Variants in BRPF3 observed in about 807,000 individuals in gnomAD.
BRPF3 encodes the protein bromodomain and PHD finger containing 3, also known as bromodomain and PHD finger-containing protein 3.
BRPF3 carries 18 observed loss-of-function variants against 102.0 expected under a neutral mutation model. The ratio of observed to expected loss-of-function variants is 0.18; its 90% CI spans 0.12 to 0.26. BRPF3 has a LOEUF of 0.26. Among genes scored for constraint, BRPF3 ranks in the 10% least tolerant of loss-of-function variants. The pLI, the probability that BRPF3 is intolerant of heterozygous loss-of-function variation, is 1.00. For missense variants in BRPF3, 1,147 were observed against 1,567.8 expected (o/e 0.73, Z 4.53); for synonymous variants, 570 against 614.2 (o/e 0.93, Z 1.06).
Position 36,230,319 on chromosome 6 carries a change from T to A in BRPF3, c.3435-107T>A, listed in dbSNP as rs1561837106. 3.4e-6 allele frequency: 4 copies of A among 1,168,402 alleles called. No homozygotes were observed. Among genetic ancestry groups the A allele is most frequent in the Non-Finnish European group, 5.0e-6 (4 of 805,630 alleles). The allele number at this position is 1,168,402 out of a possible 1,614,324, so 72.4% of individuals were successfully genotyped here. On this transcript the variant is annotated intron_variant, in intron 12 of 12. Coordinates refer to ENST00000357641, the MANE Select transcript of BRPF3 (RefSeq NM_015695.3). The surrounding 1 kb of genome is among the most constrained non-coding windows in gnomAD (Gnocchi z 5.4). ...TCCCCCAATTTGCTTCCCTCTGCCC[T>A]GTACCCTCTCCCTGGCTTTGCTGGT...
intron 4 of BRPF3, 123 bp from the exon 5 acceptor site, chr6:36,209,664 T>G: frequency 1.6e-6 from 2 of 1,241,782 alleles, no homozygotes; most frequent in Non-Finnish European, 2.2e-6. Context: ...CATATACTGG[T>G]CAGCTTAATA....
At chr6:36,229,099 G>C in intron 12 of BRPF3, 43 bp downstream of exon 12, 1 of 1,599,124 alleles carries the variant, frequency 6.3e-7, no homozygotes, top group Non-Finnish European at 8.5e-7. Context: ...GCACGCCAGG[G>C]GTCTGTGCCA....
At position 36,226,324 on chromosome 6, in the gene BRPF3, T is replaced by C. The variant is rs139013754; in HGVS notation, c.3279+960T>C. Among the ~76,000 whole-genome samples, 530 of 152,352 alleles carry C rather than the reference T, an allele frequency of 3.5e-3. 3 individuals carry two copies. Among genetic ancestry groups the C allele is most frequent in the African/African-American group, 0.012 (496 of 41,576 alleles). The stretch of plus-strand genomic sequence containing the variant: ...AAACTTTTCATTTCTGTCATAGTAG[T>C]AGCAGTTAAAAATTCAATTTTTACC... On this transcript the variant is annotated intron_variant, in intron 11 of 12. Transcript: ENST00000357641.
In BRPF3 at chr6:36,209,791, A is replaced by T; in HGVS notation, c.1742A>T (p.Lys581Ile). ...CTCACCCCACCTTCCCCACAGGTCAAAGTCCAGCAGGCTGCCATGGAGCTG... is the reference window on the plus strand; with the variant it reads ...CTCACCCCACCTTCCCCACAGGTCATAGTCCAGCAGGCTGCCATGGAGCTG... ...KREKLKREQV[K>I]VQQAAMELEL... is the part of the protein sequence containing the mutation. Residue 581 changes from lysine to isoleucine, a missense_variant, in exon 5 of 13, where the codon AAA becomes ATA. By Grantham distance (102) the Lys-to-Ile change is moderately radical. This residue lies in a region of BRPF3 where 23 missense variants were observed against 54.4 expected (regional missense o/e 0.42). Coordinates refer to ENST00000357641, the MANE Select transcript of BRPF3 (RefSeq NM_015695.3). The T allele has an allele frequency of 6.2e-7, 1 of 1,614,078 alleles. No individual in the cohort carries two copies. The highest frequency in any genetic ancestry group is 1.1e-5 in the South Asian group (1 of 91,072).
Position 36,200,765 on chromosome 6 carries a change from T to C in BRPF3, c.443T>C (p.Leu148Pro), listed in dbSNP as rs1345273218. 1 of 1,614,120 alleles carries C rather than the reference T, an allele frequency of 6.2e-7. No homozygotes were observed. Among genetic ancestry groups the C allele is most frequent in the South Asian group, 1.1e-5 (1 of 91,090 alleles). The change falls in exon 2 of 13, where the codon CTG (leucine) becomes CCG (proline). Residue 148 changes from leucine (L) to proline (P), a missense_variant. Transcript: ENST00000357641. This position sits in a 1 kb window ranked among gnomAD's most constrained non-coding sequence, Gnocchi z 5.3. ...YRYIEKPPED[L>P]DAEVEYDMDE... The stretch of plus-strand genomic sequence containing the variant: ...TACATTGAGAAGCCACCTGAAGACC[T>C]GGATGCAGAGGTAGAGTATGACATG...
At chr6:36,204,127 C>T (rs1767818886) in intron 2 of BRPF3, among the ~76,000 whole-genome samples, 1 of 152,100 alleles carries the variant, frequency 6.6e-6, no homozygotes, top group South Asian at 2.1e-4. Context: ...AATTAAACAA[C>T]ATTTTTAGGC....
At chr6:36,211,176 C>T (rs1768091948) in intron 6 of BRPF3, 82 bp from the exon 7 acceptor site, 1 of 1,429,106 alleles carries the variant, frequency 7.0e-7, no homozygotes, top group East Asian at 2.3e-5. Flanking sequence ...GAGAGTTTTG[C>T]ATCCGAAGGA....
chr6:36,212,495 C>T (rs1353204186), intron 7 of BRPF3, among the ~76,000 whole-genome samples: 1 of 149,832 alleles, frequency 6.7e-6, no homozygotes, highest in Non-Finnish European at 1.5e-5. Flanking sequence ...GTATGACAGT[C>T]AGCATGCCAT....
intron 8 of BRPF3, among the ~76,000 whole-genome samples, chr6:36,217,716 T>C (rs1768379892): frequency 6.6e-6 from 1 of 152,332 alleles, no homozygotes; most frequent in South Asian, 2.1e-4. Flanking sequence ...GTCTGCTCCT[T>C]GCCCTAGCCA....
At chr6:36,218,056 CCTTT>C in intron 9 of BRPF3, 46 bp downstream of exon 9, 1 of 1,508,880 alleles carries the variant, frequency 6.6e-7, no homozygotes, top group East Asian at 2.3e-5. Context: ...TGCTACCCCT[CCTTT>C]TACTCTCCAT....
At chr6:36,207,233 T>A (rs1767936839) in intron 3 of BRPF3, 80 bp from the exon 4 acceptor site, 3 of 1,550,112 alleles carry the variant, frequency 1.9e-6, no homozygotes, top group Non-Finnish European at 2.6e-6. Context: ...TTTTACCTGC[T>A]GCAGCCCCGT....
intron 3 of BRPF3, among the ~76,000 whole-genome samples, chr6:36,206,542 C>G (rs1056511072): frequency 6.6e-5 from 10 of 152,348 alleles, no homozygotes; most frequent in African/African-American, 2.4e-4. Context: ...TCTCCAGCAT[C>G]TCTGTTCTGG....
At chr6:36,198,850 TG>T (rs1421549714) in intron 1 of BRPF3, among the ~76,000 whole-genome samples, 2 of 152,146 alleles carry the variant, frequency 1.3e-5, no homozygotes, top group East Asian at 3.8e-4. Context: ...ATCCAGAGAA[TG>T]ATGGGGGAAA....
In BRPF3 at chr6:36,218,088, C is replaced by A. The variant is rs1345447408; in HGVS notation, c.3083+78C>A. The A allele has an allele frequency of 1.0e-5, 13 of 1,258,906 alleles. No homozygotes were observed. In the South Asian group the frequency reaches 1.7e-4, roughly 17 times the overall value. The allele number at this position is 1,258,906 out of a possible 1,614,324, so 78.0% of individuals were successfully genotyped here. A position where few individuals can be genotyped will look rare whatever the true frequency, so the allele number is the denominator to read the frequency against. Reference sequence around the variant, plus strand: ...CTCTCCATTCAGCTACAGATTGAACCTCTTCCTGCTTACCTTTTTCTCTCT... The same window carrying A: ...CTCTCCATTCAGCTACAGATTGAACATCTTCCTGCTTACCTTTTTCTCTCT... On this transcript the variant is annotated intron_variant, in intron 9 of 12. Coordinates refer to ENST00000357641, the MANE Select transcript of BRPF3 (RefSeq NM_015695.3).
At chr6:36,229,468 G>A (rs1340861098) in intron 12 of BRPF3, among the ~76,000 whole-genome samples, 1 of 152,226 alleles carries the variant, frequency 6.6e-6, no homozygotes. Flanking sequence ...CTGCCCTGAG[G>A]GAGGGGTGTG....
At chr6:36,205,334 T>G (rs539504498) in intron 3 of BRPF3, among the ~76,000 whole-genome samples, 113 of 152,366 alleles carry the variant, frequency 7.4e-4, no homozygotes, top group African/African-American at 2.6e-3. Flanking sequence ...TTTAACTCTT[T>G]AGTTCTTTCT....
rs190155075 is a variant in BRPF3 at position 36,218,984 on chromosome 6, A to G, written c.3083+974A>G. ...TTAGAAATGAGAAACCCTCACTGCC[A>G]CAAAGGAAAAGTGACTTGTCCTGAA... is the stretch of plus-strand genomic sequence containing the variant. On this transcript the variant is annotated intron_variant, in intron 9 of 12. Coordinates refer to ENST00000357641, the MANE Select transcript of BRPF3 (RefSeq NM_015695.3). Among the ~76,000 whole-genome samples, 3 of 152,320 alleles carry G rather than the reference A, an allele frequency of 2.0e-5. No individual in the cohort carries two copies. The East Asian group carries it at 5.8e-4, about 29-fold the overall frequency.
intron 3 of BRPF3, 141 bp from the exon 4 acceptor site, chr6:36,207,172 G>A: frequency 9.9e-7 from 1 of 1,010,442 alleles, no homozygotes; most frequent in South Asian, 1.6e-5. Flanking sequence ...GCATGGGGTA[G>A]AGAGGGGTGG....
rs1257503796 is a variant in BRPF3, at chr6:36,218,018, C to G, written c.3083+8C>G. 1 of 1,610,022 alleles carries G rather than the reference C, an allele frequency of 6.2e-7. No individual in the cohort carries two copies. On this transcript the variant is annotated splice_region_variant and intron_variant, in intron 9 of 12. Coordinates refer to ENST00000357641, the MANE Select transcript of BRPF3 (RefSeq NM_015695.3). ...GGCATTTGAAGCTTGCAGGTAAGAA[C>G]ACATTCCCAAAGCTTTGTCAGCAGC...
Sources: allele counts gnomAD v4.1 joint callset (sites outside exome capture counted in the v4.1 genomes callset), GRCh38; gene constraint gnomAD v4.1.1; regional missense constraint gnomAD v4.1.1; non-coding constraint Gnocchi (gnomAD v3.1); transcripts MANE v1.5; gene names NCBI Gene and HGNC (gene_info 2026-07-23, HGNC 2026-07-21).